Variants in STK10 observed in about 807,000 individuals in gnomAD.
The protein encoded by STK10 is serine/threonine kinase 10.
STK10 carries 78 observed loss-of-function variants against 113.8 expected under a neutral mutation model. The ratio of observed to expected loss-of-function variants is 0.69; its 90% CI spans 0.57 to 0.83. The LOEUF (loss-of-function observed/expected upper bound fraction) is 0.83. Ranked by LOEUF, STK10 falls within the 40% of genes least tolerant of loss-of-function variation. STK10 has a pLI of 0.00. For missense variants in STK10, 1,109 were observed against 1,280.1 expected (o/e 0.87, Z 2.04); for synonymous variants, 465 against 494.7 (o/e 0.94, Z 0.80).
At chr5:172,142,006 T>C (rs1232460979) in intron 2 of STK10, among the ~76,000 whole-genome samples, 1 of 152,190 alleles carries the variant, frequency 6.6e-6, no homozygotes, top group East Asian at 1.9e-4. Flanking sequence ...CCAGGCATTG[T>C]TTTAGCCACT....
intron 10 of STK10, among the ~76,000 whole-genome samples, chr5:172,085,700 AAAGAG>A (rs908033219): frequency 1.3e-5 from 2 of 151,610 alleles, no homozygotes; most frequent in African/African-American, 4.8e-5. Flanking sequence ...AAAAAAAAAA[AAAGAG>A]AGAGAAAATT....
In STK10 at chr5:172,083,211, G is replaced by A. The variant is rs1581146496; in HGVS notation, c.1686-127C>T. 7 of 1,177,094 alleles carry A rather than the reference G, an allele frequency of 5.9e-6. No individual in the cohort carries two copies. The East Asian group carries it at 1.7e-4, about 29-fold the overall frequency. The allele number at this position is 1,177,094 out of a possible 1,614,324, so 72.9% of individuals were successfully genotyped here. ...TCACACAAGTCTGGGGCACAGGCAT[G>A]ACTAGAACTCAGGCTTCATTTGATA... is the stretch of plus-strand genomic sequence containing the variant. On this transcript the variant is annotated intron_variant, in intron 10 of 18. Coordinates refer to ENST00000176763, the MANE Select transcript of STK10 (RefSeq NM_005990.4).
intron 13 of STK10, chr5:172,064,241 T>A (rs58099716): frequency 0.011 from 1,818 of 162,770 alleles, 41 homozygotes; most frequent in African/African-American, 0.041. Flanking sequence ...ACCATGCTTC[T>A]GGAGGTGACG....
intron 4 of STK10, chr5:172,108,387 A>AG (rs1345633740): frequency 6.6e-6 from 1 of 152,286 alleles, no homozygotes; most frequent in Non-Finnish European, 1.5e-5. Flanking sequence ...AGGCTGAAAC[A>AG]GGCAGATCGC....
At chr5:172,132,485 C>T (rs1325571938) in intron 2 of STK10, among the ~76,000 whole-genome samples, 2 of 151,882 alleles carry the variant, frequency 1.3e-5, no homozygotes, top group Non-Finnish European at 2.9e-5. Flanking sequence ...TCCCAGTGGT[C>T]CAGTCCCCTG....
At chr5:172,048,853 T>C (rs567407883) in intron 18 of STK10, among the ~76,000 whole-genome samples, 1 of 150,392 alleles carries the variant, frequency 6.6e-6, no homozygotes, top group East Asian at 2.0e-4. Flanking sequence ...TGACTTTACC[T>C]CCTATCACCT....
intron 1 of STK10, among the ~76,000 whole-genome samples, chr5:172,162,684 G>A (rs1194156247): frequency 6.6e-6 from 1 of 152,214 alleles, no homozygotes; most frequent in Admixed American, 6.5e-5. Flanking sequence ...GCTAGAGCCA[G>A]GGCCAGTGAC....
At chr5:172,158,540 T>C (rs1228999528) in intron 1 of STK10, among the ~76,000 whole-genome samples, 1 of 152,020 alleles carries the variant, frequency 6.6e-6, no homozygotes, top group East Asian at 1.9e-4. Flanking sequence ...GGCAGGAGAA[T>C]CACTTGAACC....
At chr5:172,104,554 C>G (rs1322854981) in intron 7 of STK10, among the ~76,000 whole-genome samples, 1 of 150,794 alleles carries the variant, frequency 6.6e-6, no homozygotes, top group African/African-American at 2.4e-5. Flanking sequence ...GCAGGAAGAC[C>G]CTTGTAAATG....
Position 172,187,944 on chromosome 5 carries a change from G to C in STK10, c.99C>G (p.Asn33Lys), listed in dbSNP as rs1220019694. The change falls in exon 1 of 19, where the codon AAC becomes AAG. Residue 33 changes from asparagine (N) to lysine (K), a missense_variant. Physicochemically the swap from Asn to Lys is moderately conservative, Grantham distance 94. Around this residue, in one of 5 missense-constraint regions of STK10, gnomAD observed 57 missense variants for 53.6 expected, o/e 1.06. Transcript: ENST00000176763. The surrounding 1 kb of genome is among the most constrained non-coding windows in gnomAD (Gnocchi z 4.6). ...GCTCGCCCACGATCTCCCACACCTC[G>C]TTGGGGTCCAGGTCGCGGCGGACGT... ...YEHVRRDLDP[N>K]EVWEIVGELG... is the part of the protein sequence containing the mutation. The C allele has an allele frequency of 3.1e-6, 5 of 1,613,460 alleles. No homozygotes were observed. The African/African-American group carries it at 6.7e-5, about 22-fold the overall frequency.
intron 12 of STK10, among the ~76,000 whole-genome samples, chr5:172,079,616 C>T (rs1413784610): frequency 1.3e-5 from 2 of 151,994 alleles, no homozygotes; most frequent in Non-Finnish European, 2.9e-5. Flanking sequence ...GGCTGGACTG[C>T]AATGGCATGA....
chr5:172,147,441 G>T (rs1324298879), intron 2 of STK10, among the ~76,000 whole-genome samples: 1 of 151,882 alleles, frequency 6.6e-6, no homozygotes. Flanking sequence ...GTCCAGGCTG[G>T]AGGGCAGTGG....
At chr5:172,175,884 A>C (rs1267695257) in intron 1 of STK10, among the ~76,000 whole-genome samples, 1 of 152,188 alleles carries the variant, frequency 6.6e-6, no homozygotes, top group African/African-American at 2.4e-5. Flanking sequence ...TCTCTGCTTC[A>C]TCAGGTGTGG....
chr5:172,074,279 C>T (rs1384440548), intron 12 of STK10, among the ~76,000 whole-genome samples: 1 of 152,176 alleles, frequency 6.6e-6, no homozygotes, highest in Admixed American at 6.5e-5. Flanking sequence ...ACTCACACTA[C>T]CTGATTTCAC....
At chr5:172,081,351 CAAAAAAAAAAAAA>C in intron 12 of STK10, among the ~76,000 whole-genome samples, 1 of 68,604 alleles carries the variant, frequency 1.5e-5, no homozygotes, top group African/African-American at 5.4e-5. Flanking sequence ...ACTCCATCTC[CAAAAAAAAAAAAA>C]AAAAAAAAAT....
intron 3 of STK10, among the ~76,000 whole-genome samples, chr5:172,124,458 C>A (rs1365024788): frequency 4.6e-5 from 7 of 152,162 alleles, no homozygotes; most frequent in Non-Finnish European, 1.0e-4. Flanking sequence ...TCTTCAAAGG[C>A]AGTGCCTGCT....
At chr5:172,144,452 T>C (rs1770043447) in intron 2 of STK10, among the ~76,000 whole-genome samples, 1 of 152,204 alleles carries the variant, frequency 6.6e-6, no homozygotes. Flanking sequence ...AGCAAGTCCC[T>C]GGAGGCAGAC....
intron 13 of STK10, among the ~76,000 whole-genome samples, chr5:172,061,982 CTTT>C (rs1010011082): frequency 1.4e-5 from 2 of 142,086 alleles, no homozygotes; most frequent in Non-Finnish European, 1.5e-5. Context: ...TTTCTTTTTT[CTTT>C]TTTTTTTTTT....
chr5:172,145,941 C>T (rs1770077806), intron 2 of STK10, among the ~76,000 whole-genome samples: 1 of 152,212 alleles, frequency 6.6e-6, no homozygotes, highest in African/African-American at 2.4e-5. Flanking sequence ...GCGCCTGCCC[C>T]GTGCAAGGCT....
Sources: allele counts gnomAD v4.1 joint callset (sites outside exome capture counted in the v4.1 genomes callset), GRCh38; gene constraint gnomAD v4.1.1; regional missense constraint gnomAD v4.1.1; non-coding constraint Gnocchi (gnomAD v3.1); transcripts MANE v1.5; gene names NCBI Gene and HGNC (gene_info 2026-07-23, HGNC 2026-07-21).